The following GRIN3A variants were observed in gnomAD, a reference collection of about 807,000 sequenced individuals.
GRIN3A encodes glutamate ionotropic receptor NMDA type subunit 3A.
Under a neutral mutation model 92.4 loss-of-function variants are expected in GRIN3A, and 47 were observed. That is an observed-to-expected ratio of 0.51 (90% confidence interval 0.40 to 0.65). GRIN3A has a LOEUF of 0.65. Among genes scored for constraint, GRIN3A ranks in the 30% least tolerant of loss-of-function variants. The probability of loss-of-function intolerance (pLI) is 0.00; values close to 1 mark genes in which losing one functional copy is unlikely to be tolerated. For synonymous variants in GRIN3A, 527 were observed against 540.6 expected (o/e 0.97, Z 0.35); for missense variants, 1,324 against 1,393.1 (o/e 0.95, Z 0.79).
intron 7 of GRIN3A, 84 bp downstream of exon 7, chr9:101,579,112 A>C (rs780366847): frequency 2.7e-5 from 37 of 1,369,924 alleles, no homozygotes; most frequent in Non-Finnish European, 3.7e-5. Context: ...ATAACTTAGT[A>C]GTCTGACATA....
chr9:101,656,133 G>A (rs1461815524), intron 3 of GRIN3A, among the ~76,000 whole-genome samples: 1 of 151,986 alleles, frequency 6.6e-6, no homozygotes. Context: ...GAAAGAACAA[G>A]GGTAAAAGGC....
intron 6 of GRIN3A, among the ~76,000 whole-genome samples, chr9:101,599,892 T>G (rs755017520): frequency 6.6e-6 from 1 of 152,178 alleles, no homozygotes; most frequent in African/African-American, 2.4e-5. Flanking sequence ...TCACCATATT[T>G]AATATCTAAG....
At chr9:101,612,344 A>T (rs1181547344) in intron 6 of GRIN3A, among the ~76,000 whole-genome samples, 1 of 152,232 alleles carries the variant, frequency 6.6e-6, no homozygotes, top group Non-Finnish European at 1.5e-5. Context: ...AGAATGAGTA[A>T]CTAGATGGCC....
chr9:101,605,315 A>G lies in GRIN3A; in HGVS notation c.2766+8061T>C, dbSNP rs1441491114. Among the ~76,000 whole-genome samples the G allele has an allele frequency of 5.3e-5, 8 of 152,344 alleles. No individual in the cohort carries two copies. The South Asian group carries it at 1.2e-3, about 24-fold the overall frequency. On this transcript the variant is annotated intron_variant, in intron 6 of 8. Coordinates refer to ENST00000361820, the MANE Select transcript of GRIN3A (RefSeq NM_133445.3). ...CTACTGTGTGTCAGCACTTTGATGT[A>G]TGTGATCTCTATTCTTTATACCAAG... is the stretch of plus-strand genomic sequence containing the variant.
intron 3 of GRIN3A, among the ~76,000 whole-genome samples, chr9:101,642,500 T>G (rs1828879778): frequency 6.6e-6 from 1 of 152,170 alleles, no homozygotes; most frequent in African/African-American, 2.4e-5. Flanking sequence ...ACTAAACAGT[T>G]TCTGCCTAGC....
intron 1 of GRIN3A, among the ~76,000 whole-genome samples, chr9:101,699,232 C>G (rs1829724008): frequency 6.6e-6 from 1 of 152,108 alleles, no homozygotes; most frequent in African/African-American, 2.4e-5. Flanking sequence ...TCAGGATCAT[C>G]CATATCACTG....
intron 2 of GRIN3A, 138 bp downstream of exon 2, chr9:101,686,458 A>G: frequency 1.0e-6 from 1 of 998,504 alleles, no homozygotes; most frequent in Non-Finnish European, 1.6e-6. Flanking sequence ...AGCCTATATA[A>G]CCAGAAATCC....
chr9:101,737,150 C>T, intron 1 of GRIN3A, 131 bp downstream of exon 1: 2 of 748,596 alleles, frequency 2.7e-6, no homozygotes, highest in Non-Finnish European at 4.7e-6. Context: ...ATGGCCCAAT[C>T]GTTAAGCAAT....
intron 1 of GRIN3A, among the ~76,000 whole-genome samples, chr9:101,702,320 A>G (rs1423363677): frequency 6.6e-6 from 1 of 152,130 alleles, no homozygotes; most frequent in Non-Finnish European, 1.5e-5. Flanking sequence ...AAATTTTTTT[A>G]TTTATTCACT....
At position 101,649,752 on chromosome 9, in the gene GRIN3A, G is replaced by T. The variant is rs966677069; in HGVS notation, c.2352+20308C>A. On this transcript the variant is annotated intron_variant, in intron 3 of 8. Coordinates refer to ENST00000361820, the MANE Select transcript of GRIN3A (RefSeq NM_133445.3). ...GCTGTATTTTTGTTGGGAGAGTTTT[G>T]CTGGGAAACTTTCTGTTCTGCCGTT... 2.6e-4 allele frequency among the ~76,000 whole-genome samples: 40 copies of T among 151,926 alleles called. 1 individual carries two copies. Among genetic ancestry groups the T allele is most frequent in the Non-Finnish European group, 1.3e-4 (9 of 67,960 alleles).
chr9:101,717,080 G>A (rs1829956648), intron 1 of GRIN3A, among the ~76,000 whole-genome samples: 1 of 152,262 alleles, frequency 6.6e-6, no homozygotes, highest in South Asian at 2.1e-4. Flanking sequence ...GGAGACCTCT[G>A]CCCCAGGTCA....
chr9:101,606,964 CCT>C (rs1828293812), intron 6 of GRIN3A, among the ~76,000 whole-genome samples: 1 of 45,638 alleles, frequency 2.2e-5, no homozygotes, highest in Admixed American at 2.6e-4. Context: ...AAATTTATAC[CCT>C]GTTTCCCTAA....
chr9:101,577,961 A>T (rs1827847104), intron 7 of GRIN3A, 117 bp from the exon 8 acceptor site: 1 of 749,596 alleles, frequency 1.3e-6, no homozygotes, highest in Non-Finnish European at 2.4e-6. Flanking sequence ...GCCTCTTTAA[A>T]CAAATTCCAG....
intron 5 of GRIN3A, among the ~76,000 whole-genome samples, chr9:101,615,782 A>G (rs1048983162): frequency 2.0e-5 from 3 of 152,188 alleles, no homozygotes; most frequent in Non-Finnish European, 4.4e-5. Context: ...TTAGAATCCA[A>G]GGATGATTTA....
rs1241112815 is a variant in GRIN3A, at chr9:101,666,838, C to T, written c.2352+3222G>A. ...TCCTGCTGATTGGAATGCAATATTT[C>T]TCACATCCTTTCTTCAGTGACCAAA... On this transcript the variant is annotated intron_variant, in intron 3 of 8. Transcript: ENST00000361820. Among the ~76,000 whole-genome samples, 8 of 152,030 alleles carry T rather than the reference C, an allele frequency of 5.3e-5. No individual in the cohort carries two copies. The East Asian group carries it at 1.5e-3, about 29-fold the overall frequency.
chr9:101,614,456 A>G (rs936555004), intron 5 of GRIN3A, among the ~76,000 whole-genome samples: 4 of 152,184 alleles, frequency 2.6e-5, no homozygotes, highest in African/African-American at 9.6e-5. Flanking sequence ...ACTAGAGGCA[A>G]CAATATGGAT....
chr9:101,597,509 C>G (rs1828152416), intron 6 of GRIN3A, among the ~76,000 whole-genome samples: 1 of 152,180 alleles, frequency 6.6e-6, no homozygotes, highest in Non-Finnish European at 1.5e-5. Flanking sequence ...ACAGATCCTG[C>G]TATAGTTACA....
chr9:101,704,299 AG>A (rs1829787961), intron 1 of GRIN3A, among the ~76,000 whole-genome samples: 1 of 152,186 alleles, frequency 6.6e-6, no homozygotes, highest in East Asian at 1.9e-4. Flanking sequence ...TGTTATACAG[AG>A]GCCCAACTCA....
In GRIN3A at chr9:101,670,217, A is replaced by G; in HGVS notation, c.2195T>C (p.Val732Ala). The G allele has an allele frequency of 1.2e-6, 2 of 1,614,086 alleles. No homozygotes were observed. Among genetic ancestry groups the G allele is most frequent in the Non-Finnish European group, 1.7e-6 (2 of 1,179,962 alleles). The stretch of plus-strand genomic sequence containing the variant: ...CCAACATTTTGGAGGTTTGATGGCC[A>G]CTGTTCTGCCAAACAAGAGGGCATA... ...ICYALLFGRT[V>A]AIKPPKCWTG... The change falls in exon 3 of 9, where the codon GTG (valine) becomes GCG (alanine). Residue 732 changes from valine (V) to alanine (A), a missense_variant. Physicochemically the swap from Val to Ala is moderately conservative, Grantham distance 64. Transcript: ENST00000361820.
Sources: gnomAD v4.1 joint callset for allele counts (sites outside exome capture counted in the v4.1 genomes callset) on GRCh38, gnomAD v4.1.1 for gene constraint, MANE v1.5 for transcripts, NCBI Gene and HGNC (gene_info 2026-07-23, HGNC 2026-07-21) for gene names.